GNAL: variants seen among roughly 807,000 people sequenced by gnomAD.
GNAL encodes the protein guanine nucleotide-binding protein G(olf) subunit alpha.
A neutral mutation model predicts 55.1 loss-of-function variants in GNAL; 18 were observed. The ratio of observed to expected loss-of-function variants is 0.33; its 90% CI spans 0.23 to 0.48. GNAL has a LOEUF of 0.48. Ranked by LOEUF, GNAL falls within the 20% of genes least tolerant of loss-of-function variation. GNAL has a pLI of 0.99. For missense variants in GNAL, 412 were observed against 614.1 expected, an observed-to-expected ratio of 0.67 and a Z score of 3.48; for synonymous variants, 253 against 237.0, an observed-to-expected ratio of 1.07 and a Z score of -0.62.
Position 11,760,484 on chromosome 18 carries a change from G to A in GNAL, c.624+6539G>A, listed in dbSNP as rs1029357574. 3.3e-5 allele frequency among the ~76,000 whole-genome samples: 5 copies of A among 152,108 alleles called. No individual in the cohort carries two copies. In the South Asian group the frequency reaches 6.2e-4, roughly 19 times the overall value. ...GCAGTACACTGAACCTCTTAAAGAC[G>A]CTTGTGTCTGGCATGGAAGGAAAAA... On this transcript the variant is annotated intron_variant, in intron 4 of 11. Transcript: ENST00000334049.
chr18:11,762,008 G>A (rs571054103), intron 4 of GNAL, among the ~76,000 whole-genome samples: 23 of 152,216 alleles, frequency 1.5e-4, no homozygotes, highest in Admixed American at 1.3e-3. Context: ...CCTAACAGAA[G>A]TCCCACTTTG....
rs369690183 is a variant in GNAL at position 11,716,154 on chromosome 18, A to G, written c.376+26215A>G. On this transcript the variant is annotated intron_variant, in intron 1 of 11. Transcript: ENST00000334049. ...ACGCAGCAATCTCATTACTGGGTAT[A>G]TACCCAAAAGAATATTGATAATCCT... 6.6e-5 allele frequency among the ~76,000 whole-genome samples: 10 copies of G among 152,262 alleles called. No individual in the cohort carries two copies. In the East Asian group the frequency reaches 7.7e-4, roughly 12 times the overall value.
At position 11,884,882 on chromosome 18, in the gene GNAL, T is replaced by C. The variant is rs45448494; in HGVS notation, c.*3747T>C. ...GGAAAATGTCTGGGACACTGACCTG[T>C]CAAAACTGGCCCCTGGCTCACTGGG... On this transcript the variant is annotated 3_prime_UTR_variant, in exon 12 of 12. Transcript: ENST00000334049. 20,046 of 1,330,938 alleles carry C rather than the reference T, an allele frequency of 0.015. 428 individuals carry two copies. The highest frequency in any genetic ancestry group is 0.092 in the African/African-American group (6,183 of 67,492). The allele number at this position is 1,330,938 out of a possible 1,614,324, so 82.4% of individuals were successfully genotyped here.
At chr18:11,710,816 C>T (rs116810837) in intron 1 of GNAL, among the ~76,000 whole-genome samples, 1,544 of 152,204 alleles carry the variant, frequency 0.01, 26 homozygotes, top group African/African-American at 0.035. Context: ...TCTTGCTGCT[C>T]AAAAAATTGT....
At chr18:11,767,819 G>A (rs1238358793) in intron 4 of GNAL, among the ~76,000 whole-genome samples, 2 of 152,088 alleles carry the variant, frequency 1.3e-5, no homozygotes, top group Non-Finnish European at 2.9e-5. Context: ...ACCCTGCCTT[G>A]CCTGCTTTTT....
At chr18:11,737,983 G>A (rs879031584) in intron 1 of GNAL, among the ~76,000 whole-genome samples, 11 of 152,314 alleles carry the variant, frequency 7.2e-5, no homozygotes, top group African/African-American at 1.7e-4. Context: ...CCCCTGGGCC[G>A]GAGAGGGTGG....
At chr18:11,764,304 A>G (rs886464017) in intron 4 of GNAL, among the ~76,000 whole-genome samples, 1 of 151,890 alleles carries the variant, frequency 6.6e-6, no homozygotes, top group Admixed American at 6.6e-5. Flanking sequence ...ACGGGGTTTC[A>G]CTATGTTGGC....
At chr18:11,793,441 G>A (rs2034289724) in intron 4 of GNAL, among the ~76,000 whole-genome samples, 1 of 151,952 alleles carries the variant, frequency 6.6e-6, no homozygotes, top group Non-Finnish European at 1.5e-5. Flanking sequence ...AATTATCCAG[G>A]CCTGGTGGCA....
chr18:11,729,343 G>A (rs4635399), intron 1 of GNAL, among the ~76,000 whole-genome samples: 6,787 of 152,172 alleles, frequency 0.045, 203 homozygotes, highest in Non-Finnish European at 0.065. Context: ...CCTTCCCTAA[G>A]CACAGTGAAC....
chr18:11,755,113 C>T (rs961988751), intron 4 of GNAL, among the ~76,000 whole-genome samples: 1 of 152,220 alleles, frequency 6.6e-6, no homozygotes, highest in Non-Finnish European at 1.5e-5. Flanking sequence ...TTAGAATCCT[C>T]TCTTTGAAGG....
At chr18:11,736,380 G>A (rs1420922951) in intron 1 of GNAL, among the ~76,000 whole-genome samples, 1 of 152,200 alleles carries the variant, frequency 6.6e-6, no homozygotes, top group Non-Finnish European at 1.5e-5. Flanking sequence ...GGGCAACAGA[G>A]CAAGACCCTA....
At chr18:11,719,063 T>C (rs1240758095) in intron 1 of GNAL, among the ~76,000 whole-genome samples, 1 of 152,218 alleles carries the variant, frequency 6.6e-6, no homozygotes, top group Non-Finnish European at 1.5e-5. Context: ...GAGTCAAGGC[T>C]GATTGTCATT....
chr18:11,754,063 C>T, intron 4 of GNAL, 118 bp downstream of exon 4: 1 of 763,114 alleles, frequency 1.3e-6, no homozygotes, highest in Non-Finnish European at 2.2e-6. Flanking sequence ...CGAAATCCAG[C>T]TCTCTAAATG....
At chr18:11,693,852 A>G (rs76954074) in intron 1 of GNAL, among the ~76,000 whole-genome samples, 1 of 109,844 alleles carries the variant, frequency 9.1e-6, no homozygotes, top group Non-Finnish European at 1.8e-5. Flanking sequence ...CTATGTCGCT[A>G]TTTTTTTTTT....
Position 11,868,475 on chromosome 18 carries a change from G to T in GNAL, c.911-68G>T. The T allele has an allele frequency of 7.4e-7, 1 of 1,350,118 alleles. No homozygotes were observed. Among genetic ancestry groups the T allele is most frequent in the Non-Finnish European group, 1.0e-6 (1 of 968,470 alleles). 83.6% of individuals were successfully genotyped at this position (1,350,118 alleles called of 1,614,324 possible). A position where few individuals can be genotyped will look rare whatever the true frequency, so the allele number is the denominator to read the frequency against. On this transcript the variant is annotated intron_variant, in intron 8 of 11. Coordinates refer to ENST00000334049, the MANE Select transcript of GNAL (RefSeq NM_182978.4). The surrounding 1 kb of genome is among the most constrained non-coding windows in gnomAD (Gnocchi z 4.0). ...TTGTGGAACTGAGTAGCTGCTGGGT[G>T]TGTACTTTCTTGTAACTCCACAGTG...
intron 1 of GNAL, among the ~76,000 whole-genome samples, chr18:11,738,302 AC>A (rs996781174): frequency 1.3e-5 from 2 of 151,830 alleles, no homozygotes; most frequent in Admixed American, 6.6e-5. Flanking sequence ...GGGCCACTGG[AC>A]CCCTGGCCCT....
At chr18:11,701,510 G>A (rs890193199) in intron 1 of GNAL, among the ~76,000 whole-genome samples, 1 of 145,752 alleles carries the variant, frequency 6.9e-6, no homozygotes, top group East Asian at 2.0e-4. Context: ...AAGTTGCAAT[G>A]AGCCAAGAGT....
intron 7 of GNAL, among the ~76,000 whole-genome samples, 200 bp from the exon 8 acceptor site, chr18:11,866,968 A>G (rs998380034): frequency 6.6e-6 from 1 of 152,128 alleles, no homozygotes; most frequent in Non-Finnish European, 1.5e-5. Flanking sequence ...GTGACTGAGG[A>G]GGGACTGCGG....
At chr18:11,849,255 A>G (rs1279257656) in intron 5 of GNAL, among the ~76,000 whole-genome samples, 3 of 152,234 alleles carry the variant, frequency 2.0e-5, no homozygotes, top group Non-Finnish European at 4.4e-5. Flanking sequence ...TAATCCCAGC[A>G]CTTTGGAATG....
Sources: gnomAD v4.1 joint callset for allele counts (sites outside exome capture counted in the v4.1 genomes callset) on GRCh38, gnomAD v4.1.1 for gene constraint, Gnocchi (gnomAD v3.1) non-coding constraint, MANE v1.5 for transcripts, NCBI Gene and HGNC (gene_info 2026-07-23, HGNC 2026-07-21) for gene names.